The following GPHN variants were observed in gnomAD, a reference collection of about 807,000 sequenced individuals.
GPHN encodes the protein gephyrin.
A neutral mutation model predicts 95.5 loss-of-function variants in GPHN; 17 were observed. The observed-to-expected ratio is 0.18, with a 90% CI of 0.12 to 0.27. GPHN has a LOEUF of 0.27. Ranked by LOEUF, GPHN falls within the 10% of genes least tolerant of loss-of-function variation. The pLI is 1.00. For missense variants in GPHN, 660 were observed against 978.1 expected (o/e 0.67, Z 4.34); for synonymous variants, 320 against 322.5 (o/e 0.99, Z 0.08).
intron 4 of GPHN, among the ~76,000 whole-genome samples, chr14:66,834,986 G>C (rs1157414271): frequency 1.4e-5 from 2 of 145,414 alleles, no homozygotes; most frequent in East Asian, 2.0e-4. Context: ...AGTCTTGGGA[G>C]AGTGTATGTG....
the GPHN span, chr14:67,727,810 T>C: frequency 6.3e-6 from 1 of 157,772 alleles, no homozygotes; most frequent in Non-Finnish European, 1.4e-5. Flanking sequence ...AGCTAAAGAG[T>C]ATATGGCAGG....
At chr14:66,753,424 A>T (rs1019846615) in intron 2 of GPHN, among the ~76,000 whole-genome samples, 1 of 152,032 alleles carries the variant, frequency 6.6e-6, no homozygotes, top group Non-Finnish European at 1.5e-5. Context: ...GCACAGATTT[A>T]GGATAAATAA....
chr14:67,116,573 G>C (rs889253472), intron 16 of GPHN, among the ~76,000 whole-genome samples: 1 of 152,024 alleles, frequency 6.6e-6, no homozygotes, highest in Non-Finnish European at 1.5e-5. Context: ...AAGAAAGAAA[G>C]AGTCTCGCCA....
intron 9 of GPHN, among the ~76,000 whole-genome samples, chr14:67,012,571 C>G (rs1001512246): frequency 6.6e-6 from 1 of 152,104 alleles, no homozygotes; most frequent in Non-Finnish European, 1.5e-5. Flanking sequence ...TAATTTCAGT[C>G]TGGATTTCGG....
chr14:67,065,957 G>A (rs2076040293), intron 11 of GPHN, among the ~76,000 whole-genome samples: 1 of 152,036 alleles, frequency 6.6e-6, no homozygotes, highest in Non-Finnish European at 1.5e-5. Context: ...ATATTGTTAG[G>A]TGTAGATTTG....
At chr14:66,833,347 G>A (rs1182657094) in intron 4 of GPHN, among the ~76,000 whole-genome samples, 3 of 152,120 alleles carry the variant, frequency 2.0e-5, no homozygotes, top group African/African-American at 7.2e-5. Flanking sequence ...CATGAGAAAA[G>A]CATGAGGGTA....
intron 3 of GPHN, among the ~76,000 whole-genome samples, chr14:66,779,827 T>G (rs1437676880): frequency 6.6e-6 from 1 of 152,108 alleles, no homozygotes; most frequent in Non-Finnish European, 1.5e-5. Flanking sequence ...TTTATGTGAT[T>G]TTTAAGGAAG....
chr14:66,594,500 A>C (rs1423474236), intron 1 of GPHN, among the ~76,000 whole-genome samples: 1 of 152,212 alleles, frequency 6.6e-6, no homozygotes, highest in Non-Finnish European at 1.5e-5. Context: ...TGGAAAAGCC[A>C]GAAAAAAATC....
intron 13 of GPHN, among the ~76,000 whole-genome samples, chr14:67,104,829 T>C (rs1044270320): frequency 1.3e-5 from 2 of 152,110 alleles, no homozygotes; most frequent in Admixed American, 6.5e-5. Context: ...GGTTTTTTAG[T>C]CTCAATTTCA....
intron 1 of GPHN, among the ~76,000 whole-genome samples, chr14:66,565,990 CTATT>C (rs1450813353): frequency 2.7e-5 from 4 of 147,690 alleles, no homozygotes; most frequent in African/African-American, 1.0e-4. Context: ...TGCTTTCTAT[CTATT>C]CATTTTAAGA....
chr14:67,528,378 G>A, the GPHN span, among the ~76,000 whole-genome samples: 10,418 of 152,140 alleles, frequency 0.068, 1,066 homozygotes, highest in African/African-American at 0.22. Flanking sequence ...TTGGCTTCTT[G>A]GAGCCCTAGT....
chr14:66,558,580 C>A (rs2060101051), intron 1 of GPHN, among the ~76,000 whole-genome samples: 1 of 151,954 alleles, frequency 6.6e-6, no homozygotes, highest in Admixed American at 6.6e-5. Context: ...GATATGTAAT[C>A]CTACTGTTAA....
At chr14:67,335,463 G>A in the GPHN span, 2 of 152,640 alleles carry the variant, frequency 1.3e-5, no homozygotes, top group African/African-American at 4.8e-5. Flanking sequence ...AAATAAGGAA[G>A]TTTTAGGTTG....
the GPHN span, among the ~76,000 whole-genome samples, chr14:67,188,066 A>G: frequency 6.6e-6 from 1 of 152,206 alleles, no homozygotes; most frequent in Non-Finnish European, 1.5e-5. Flanking sequence ...TGCACTCACC[A>G]GGGACTGAAT....
intron 1 of GPHN, among the ~76,000 whole-genome samples, chr14:66,627,936 A>G (rs1414760543): frequency 6.6e-6 from 1 of 152,164 alleles, no homozygotes; most frequent in Non-Finnish European, 1.5e-5. Flanking sequence ...ACCCCATTAT[A>G]TAAAGTTCAT....
intron 1 of GPHN, among the ~76,000 whole-genome samples, chr14:66,538,121 C>A (rs2059207517): frequency 6.6e-6 from 1 of 152,172 alleles, no homozygotes; most frequent in South Asian, 2.1e-4. Context: ...TGTGAGCCAC[C>A]ATGTCCAGCC....
the GPHN span, among the ~76,000 whole-genome samples, chr14:67,604,497 A>G: frequency 6.6e-6 from 1 of 152,028 alleles, no homozygotes; most frequent in Non-Finnish European, 1.5e-5. Context: ...GAGTTCCAGA[A>G]CATGCTGGGC....
chr14:67,655,222 C>T, the GPHN span, among the ~76,000 whole-genome samples: 1 of 151,476 alleles, frequency 6.6e-6, no homozygotes, highest in Non-Finnish European at 1.5e-5. Flanking sequence ...ATGCCTGTAT[C>T]GCAGCTACAC....
Position 66,761,163 on chromosome 14 carries a change from A to T in GPHN, c.144-15301A>T, listed in dbSNP as rs1381397633. Reference sequence around the variant, plus strand: ...TTTCCTACATTTCCATCTACAAAACATCAGATATTACGGATATTAGATTGC... The same window carrying T: ...TTTCCTACATTTCCATCTACAAAACTTCAGATATTACGGATATTAGATTGC... On this transcript the variant is annotated intron_variant, in intron 2 of 22. Transcript: ENST00000478722. 3 of 339,688 alleles carry T rather than the reference A, an allele frequency of 8.8e-6. No individual in the cohort carries two copies. In the East Asian group the frequency reaches 2.2e-4, roughly 25 times the overall value. 21.0% of individuals were successfully genotyped at this position (339,688 alleles called of 1,614,324 possible). A position where few individuals can be genotyped will look rare whatever the true frequency, so the allele number is the denominator to read the frequency against.
Sources: allele counts gnomAD v4.1 joint callset (sites outside exome capture counted in the v4.1 genomes callset), GRCh38; gene constraint gnomAD v4.1.1; transcripts MANE v1.5; gene names NCBI Gene and HGNC (gene_info 2026-07-23, HGNC 2026-07-21).